The following IDE variants were observed in gnomAD, a reference collection of about 807,000 sequenced individuals.
IDE encodes insulin-degrading enzyme.
Under a neutral mutation model 133.2 loss-of-function variants are expected in IDE, and 58 were observed. That is an observed-to-expected ratio of 0.44 (90% CI 0.35 to 0.54). The LOEUF is 0.54. Among genes scored for constraint, IDE ranks in the 20% least tolerant of loss-of-function variants. The pLI, the probability that IDE is intolerant of heterozygous loss-of-function variation, is 0.00. For synonymous variants in IDE, 396 were observed against 421.3 expected, an observed-to-expected ratio of 0.94 and a Z score of 0.73; for missense variants, 981 against 1,234.0, an observed-to-expected ratio of 0.79 and a Z score of 3.07.
At chr10:92,515,175 T>C in intron 4 of IDE, 133 bp from the exon 5 acceptor site, 1 of 683,876 alleles carries the variant, frequency 1.5e-6, no homozygotes, top group Non-Finnish European at 2.5e-6. Context: ...CTCAAATTTA[T>C]TTGAATGTTA....
At chr10:92,510,277 GA>G in intron 5 of IDE, 115 bp from the exon 6 acceptor site, 1 of 508,066 alleles carries the variant, frequency 2.0e-6, no homozygotes. Flanking sequence ...AGGAAAATGT[GA>G]AAATGATTAC....
chr10:92,510,855 T>C (rs1052256668), intron 5 of IDE, among the ~76,000 whole-genome samples: 78 of 150,982 alleles, frequency 5.2e-4, no homozygotes, highest in Non-Finnish European at 2.4e-4. Context: ...ATATGATATA[T>C]ATCACATATA....
At chr10:92,510,648 A>G (rs1480586709) in intron 5 of IDE, among the ~76,000 whole-genome samples, 1 of 151,530 alleles carries the variant, frequency 6.6e-6, no homozygotes, top group Non-Finnish European at 1.5e-5. Flanking sequence ...TATCACATAT[A>G]TGATATATAT....
intron 13 of IDE, among the ~76,000 whole-genome samples, chr10:92,483,827 T>C (rs1349973453): frequency 6.6e-6 from 1 of 152,196 alleles, no homozygotes; most frequent in Non-Finnish European, 1.5e-5. Flanking sequence ...CCTCTGAGAC[T>C]GCATTATAAA....
intron 4 of IDE, among the ~76,000 whole-genome samples, chr10:92,526,720 C>CA (rs1849639682): frequency 6.6e-6 from 1 of 151,708 alleles, no homozygotes; most frequent in Non-Finnish European, 1.5e-5. Context: ...GTAGTGTGTG[C>CA]GTGTAGTCTC....
intron 1 of IDE, among the ~76,000 whole-genome samples, chr10:92,552,428 T>A (rs4406744): frequency 0.85 from 129,093 of 152,212 alleles, 55,018 homozygotes; most frequent in African/African-American, 0.93. Context: ...TATATTTTTA[T>A]TATATACAAA....
chr10:92,495,633 G>C (rs1847642030), intron 11 of IDE, among the ~76,000 whole-genome samples: 1 of 152,094 alleles, frequency 6.6e-6, no homozygotes, highest in Non-Finnish European at 1.5e-5. Flanking sequence ...CTACAGGCGT[G>C]AGCCACCACA....
intron 15 of IDE, 137 bp from the exon 16 acceptor site, chr10:92,476,131 A>T: frequency 1.7e-6 from 1 of 604,154 alleles, no homozygotes; most frequent in Non-Finnish European, 2.9e-6. Context: ...TTAATGTGTC[A>T]TAAATATATA....
chr10:92,573,245 A>G (rs570658675), intron 1 of IDE: 10 of 917,304 alleles, frequency 1.1e-5, no homozygotes, highest in Admixed American at 6.2e-5. Context: ...TTTTGCCACA[A>G]TCTCGGCAGT....
chr10:92,547,576 G>C (rs989312432), intron 1 of IDE, among the ~76,000 whole-genome samples: 1 of 152,116 alleles, frequency 6.6e-6, no homozygotes, highest in Non-Finnish European at 1.5e-5. Flanking sequence ...CATCTACTTT[G>C]AGCATCATGT....
At chr10:92,541,750 C>T (rs879380649) in intron 1 of IDE, among the ~76,000 whole-genome samples, 1 of 152,054 alleles carries the variant, frequency 6.6e-6, no homozygotes, top group Admixed American at 6.6e-5. Context: ...GCTGGAAGAG[C>T]CACTAGATGT....
At chr10:92,495,522 T>G (rs1454523507) in intron 11 of IDE, among the ~76,000 whole-genome samples, 1 of 152,086 alleles carries the variant, frequency 6.6e-6, no homozygotes, top group East Asian at 1.9e-4. Context: ...CCCAGTCTTT[T>G]GTATTTTTAA....
At chr10:92,474,010 T>C (rs1212092338) in intron 17 of IDE, among the ~76,000 whole-genome samples, 1 of 151,866 alleles carries the variant, frequency 6.6e-6, no homozygotes, top group East Asian at 1.9e-4. Context: ...TAAAAATCCT[T>C]CAATATTAAC....
chr10:92,565,409 C>CAA (rs5787003), intron 1 of IDE, among the ~76,000 whole-genome samples: 1 of 114,888 alleles, frequency 8.7e-6, no homozygotes. Context: ...GACTCCATCT[C>CAA]AAAAAAAAAA....
chr10:92,470,158 T>G, intron 18 of IDE, 96 bp downstream of exon 18: 1 of 806,742 alleles, frequency 1.2e-6, no homozygotes, highest in Admixed American at 2.5e-5. Flanking sequence ...ATGTGTTCCT[T>G]ATCACACCAT....
chr10:92,481,051 G>A lies in IDE; in HGVS notation c.1740-1630C>T, dbSNP rs548485617. 3.2e-3 allele frequency: 790 copies of A among 248,796 alleles called. 10 individuals carry two copies. The highest frequency in any genetic ancestry group is 0.017 in the African/African-American group (749 of 43,282). 15.4% of individuals were successfully genotyped at this position (248,796 alleles called of 1,614,324 possible). On this transcript the variant is annotated intron_variant, in intron 14 of 24. Transcript: ENST00000265986. The stretch of plus-strand genomic sequence containing the variant: ...AATGTTCTGCCATTAAATTTTTTAA[G>A]GTATGATACATGATGACAGATTTCC...
intron 1 of IDE, among the ~76,000 whole-genome samples, chr10:92,560,653 C>T (rs954158746): frequency 7.9e-5 from 12 of 151,888 alleles, no homozygotes; most frequent in African/African-American, 2.2e-4. Flanking sequence ...CATGGTGGTG[C>T]GCACCTGTAG....
chr10:92,544,881 C>T (rs1018281021), intron 1 of IDE, among the ~76,000 whole-genome samples: 4 of 152,076 alleles, frequency 2.6e-5, no homozygotes, highest in Non-Finnish European at 5.9e-5. Context: ...AGAACTGACT[C>T]ATGCATGAAA....
At chr10:92,508,047 A>C in intron 8 of IDE, 66 bp downstream of exon 8, 2 of 1,097,856 alleles carry the variant, frequency 1.8e-6, no homozygotes, top group Admixed American at 3.7e-5. Context: ...CACAGCATGA[A>C]GAAGTTAAAA....
Sources: allele counts gnomAD v4.1 joint callset (sites outside exome capture counted in the v4.1 genomes callset), GRCh38; gene constraint gnomAD v4.1.1; transcripts MANE v1.5; gene names NCBI Gene and HGNC (gene_info 2026-07-23, HGNC 2026-07-21).